ATXN7: variants seen among roughly 807,000 people sequenced by gnomAD.
ATXN7 encodes the protein ataxin-7.
Under a neutral mutation model 70.5 loss-of-function variants are expected in ATXN7, and 12 were observed. That is an observed-to-expected ratio of 0.17 (90% CI 0.11 to 0.28). The LOEUF is 0.28. Ranked by LOEUF, ATXN7 falls within the 10% of genes least tolerant of loss-of-function variation. ATXN7 has a pLI of 1.00. For missense variants in ATXN7, 1,256 were observed against 1,131.7 expected (o/e 1.11, Z -1.58); for synonymous variants, 498 against 448.7 (o/e 1.11, Z -1.39).
chr3:63,991,229 C>T (rs935719539), intron 11 of ATXN7, among the ~76,000 whole-genome samples: 1 of 152,044 alleles, frequency 6.6e-6, no homozygotes, highest in Non-Finnish European at 1.5e-5. Context: ...ATACACCAAA[C>T]AACTTAAATA....
intron 11 of ATXN7, among the ~76,000 whole-genome samples, chr3:63,993,396 G>A (rs2075704634): frequency 6.7e-6 from 1 of 149,756 alleles, no homozygotes; most frequent in East Asian, 2.0e-4. Context: ...CTTGCAGTGA[G>A]CCGAGATCGC....
In ATXN7 at chr3:63,990,105, T is replaced by C. The variant is rs978649167; in HGVS notation, c.1362-71T>C. On this transcript the variant is annotated intron_variant, in intron 9 of 12. Coordinates refer to ENST00000674280, the MANE Select transcript of ATXN7 (RefSeq NM_001377405.1). ...CTGCTAGGTTGTTTTGGACACACTG[T>C]TGTATCTCAGTTAAGGTGGCTGATT... 6 of 1,470,982 alleles carry C rather than the reference T, an allele frequency of 4.1e-6. No individual in the cohort carries two copies. The African/African-American group carries it at 8.3e-5, about 20-fold the overall frequency. 91.1% of individuals were successfully genotyped at this position (1,470,982 alleles called of 1,614,324 possible).
chr3:63,962,149 T>C (rs2106693585), intron 5 of ATXN7, among the ~76,000 whole-genome samples: 1 of 152,316 alleles, frequency 6.6e-6, no homozygotes, highest in East Asian at 1.9e-4. Context: ...ATTTCCCTCA[T>C]CCCACATTTT....
At chr3:63,951,190 C>T (rs2074947806) in intron 4 of ATXN7, among the ~76,000 whole-genome samples, 1 of 152,054 alleles carries the variant, frequency 6.6e-6, no homozygotes. Flanking sequence ...AGCTAGCTAT[C>T]TGTGCAATTC....
At chr3:63,968,078 A>T in intron 5 of ATXN7, 1 of 924,178 alleles carries the variant, frequency 1.1e-6, no homozygotes, top group South Asian at 1.5e-5. Context: ...CTTACATAGA[A>T]CCAAGCAGAT....
intron 1 of ATXN7, among the ~76,000 whole-genome samples, chr3:63,871,003 C>G (rs1702577511): frequency 6.6e-6 from 1 of 152,008 alleles, no homozygotes; most frequent in African/African-American, 2.4e-5. Flanking sequence ...CTCCCTCTAC[C>G]TTTCTCTCCT....
At chr3:63,940,021 C>T (rs552948995) in intron 4 of ATXN7, among the ~76,000 whole-genome samples, 1 of 151,880 alleles carries the variant, frequency 6.6e-6, no homozygotes, top group East Asian at 1.9e-4. Flanking sequence ...GTGGTAATGC[C>T]AACTGGGGCT....
chr3:63,991,025 C>G, intron 11 of ATXN7, 166 bp downstream of exon 11: 1 of 932,650 alleles, frequency 1.1e-6, no homozygotes, highest in South Asian at 1.6e-5. Flanking sequence ...TACCCCTTTA[C>G]CCCACAACTA....
Position 63,982,924 on chromosome 3 carries a change from G to T in ATXN7, c.1013-15G>T. On this transcript the variant is annotated splice_polypyrimidine_tract_variant and intron_variant, in intron 7 of 12. Coordinates refer to ENST00000674280, the MANE Select transcript of ATXN7 (RefSeq NM_001377405.1). ...GTTTGTCAGGCCACATGTAATGCCT[G>T]TGTTCTTTTGACAGAAAGAGAGTTT... 1.2e-6 allele frequency: 2 copies of T among 1,609,008 alleles called. No homozygotes were observed. Among genetic ancestry groups the T allele is most frequent in the Non-Finnish European group, 1.7e-6 (2 of 1,175,474 alleles).
chr3:63,920,979 T>C (rs1704489008), intron 4 of ATXN7, among the ~76,000 whole-genome samples: 1 of 152,240 alleles, frequency 6.6e-6, no homozygotes, highest in African/African-American at 2.4e-5. Context: ...AAGAAGCCTG[T>C]TAGTAGACTT....
intron 9 of ATXN7, chr3:63,988,587 A>C: frequency 2.4e-6 from 1 of 415,464 alleles, no homozygotes; most frequent in Non-Finnish European, 4.3e-6. Flanking sequence ...AAGTGTCTCA[A>C]CTCTGTTGAG....
chr3:63,866,042 G>C (rs542250754), intron 1 of ATXN7, among the ~76,000 whole-genome samples: 34 of 150,816 alleles, frequency 2.3e-4, no homozygotes, highest in Admixed American at 4.0e-4. Flanking sequence ...TCATGGGAAA[G>C]TATCACTGCC....
chr3:63,881,484 ATTTTTTT>A (rs909777356), intron 1 of ATXN7, among the ~76,000 whole-genome samples: 2 of 120,802 alleles, frequency 1.7e-5, no homozygotes, highest in African/African-American at 6.2e-5. Context: ...TGGTTGGAGC[ATTTTTTT>A]TTTTTTTTTT....
rs199563441 is a variant in ATXN7 at position 63,912,944 on chromosome 3, C to A, written c.325+21C>A. 260 of 1,428,412 alleles carry A rather than the reference C, an allele frequency of 1.8e-4. 2 individuals carry two copies. The highest frequency in any genetic ancestry group is 1.6e-3 in the Middle Eastern group (7 of 4,450). 88.5% of individuals were successfully genotyped at this position (1,428,412 alleles called of 1,614,324 possible). ...GGACGGTGAGTGTCCACGCCCTCCT[C>A]CCCCCTTCACCCCCTCGCGACCCCC... On this transcript the variant is annotated intron_variant, in intron 3 of 12. Transcript: ENST00000674280.
chr3:63,990,530 A>T lies in ATXN7; in HGVS notation c.1560+156A>T, dbSNP rs146553442. 2.1e-5 allele frequency: 24 copies of T among 1,149,842 alleles called. No homozygotes were observed. In the East Asian group the frequency reaches 5.5e-4, roughly 26 times the overall value. 71.2% of individuals were successfully genotyped at this position (1,149,842 alleles called of 1,614,324 possible). ...ACAGGGTGCCCCAGAGGCAGCACACACTCTGTACGGGGGACATCTCGTGCT... is the reference window on the plus strand; with the variant it reads ...ACAGGGTGCCCCAGAGGCAGCACACTCTCTGTACGGGGGACATCTCGTGCT... On this transcript the variant is annotated intron_variant, in intron 10 of 12. Transcript: ENST00000674280.
intron 1 of ATXN7, among the ~76,000 whole-genome samples, chr3:63,891,990 C>G (rs1278850485): frequency 1.3e-5 from 2 of 152,162 alleles, no homozygotes; most frequent in Non-Finnish European, 2.9e-5. Context: ...AGCCATTTAT[C>G]TGTTACAGAC....
intron 4 of ATXN7, among the ~76,000 whole-genome samples, chr3:63,949,981 G>T (rs2074929002): frequency 1.3e-5 from 2 of 152,156 alleles, no homozygotes; most frequent in South Asian, 4.1e-4. Flanking sequence ...CTTGGCATAG[G>T]ACCTGGCACA....
intron 2 of ATXN7, among the ~76,000 whole-genome samples, chr3:63,906,498 G>A (rs990121470): frequency 7.2e-5 from 11 of 152,196 alleles, no homozygotes; most frequent in African/African-American, 2.7e-4. Flanking sequence ...CTTATGTTGG[G>A]AATGCAAACT....
chr3:63,975,268 C>T (rs542674421), intron 5 of ATXN7, among the ~76,000 whole-genome samples: 1 of 152,228 alleles, frequency 6.6e-6, no homozygotes, highest in East Asian at 1.9e-4. Flanking sequence ...ATACTATGCT[C>T]AGGAATGATA....
Sources: gnomAD v4.1 joint callset for allele counts (sites outside exome capture counted in the v4.1 genomes callset) on GRCh38, gnomAD v4.1.1 for gene constraint, MANE v1.5 for transcripts, NCBI Gene and HGNC (gene_info 2026-07-23, HGNC 2026-07-21) for gene names.